Variants in TLN2 observed in about 807,000 individuals in gnomAD.
TLN2 encodes the protein talin-2.
In TLN2, 118 loss-of-function variants were observed where a neutral mutation model predicts 294.7. That is an observed-to-expected ratio of 0.40 (90% CI 0.34 to 0.47). The LOEUF is 0.47. TLN2 is among the 20% of genes least tolerant of loss of function. The pLI, the probability that TLN2 is intolerant of heterozygous loss-of-function variation, is 0.84. For missense variants in TLN2, 3,083 were observed against 3,282.2 expected, an observed-to-expected ratio of 0.94 and a Z score of 1.48; for synonymous variants, 1,431 against 1,304.5, an observed-to-expected ratio of 1.10 and a Z score of -2.09.
At chr15:62,628,455 A>G (rs2140879624) in intron 3 of TLN2, among the ~76,000 whole-genome samples, 1 of 152,384 alleles carries the variant, frequency 6.6e-6, no homozygotes, top group South Asian at 2.1e-4. Flanking sequence ...GGACTTCCAT[A>G]ACGTTTTGTT....
intron 1 of TLN2, among the ~76,000 whole-genome samples, chr15:62,407,972 C>T (rs2140248104): frequency 6.6e-6 from 1 of 151,528 alleles, no homozygotes; most frequent in South Asian, 2.1e-4. Flanking sequence ...AAAAGGTGCC[C>T]ACTTGAGTCG....
chr15:62,701,352 A>G, intron 17 of TLN2, 138 bp downstream of exon 17: 1 of 728,234 alleles, frequency 1.4e-6, no homozygotes, highest in Non-Finnish European at 2.2e-6. Context: ...AGGCACTTTT[A>G]GTGCTGTAGG....
intron 1 of TLN2, among the ~76,000 whole-genome samples, chr15:62,408,889 A>G (rs1000291643): frequency 6.6e-6 from 1 of 151,872 alleles, no homozygotes; most frequent in Non-Finnish European, 1.5e-5. Flanking sequence ...TGAACTCCTG[A>G]GCTCAAACAA....
At chr15:62,482,622 A>G (rs1035108109) in intron 1 of TLN2, among the ~76,000 whole-genome samples, 2 of 151,568 alleles carry the variant, frequency 1.3e-5, no homozygotes, top group Non-Finnish European at 2.9e-5. Context: ...AAAAAAAAAA[A>G]AAAGATAGAA....
At chr15:62,691,971 C>T (rs1022237887) in intron 12 of TLN2, among the ~76,000 whole-genome samples, 2 of 152,176 alleles carry the variant, frequency 1.3e-5, no homozygotes, top group Non-Finnish European at 2.9e-5. Context: ...CTGTGCCCAG[C>T]CCATTGGGAG....
At chr15:62,812,882 A>G (rs965960920) in intron 52 of TLN2, among the ~76,000 whole-genome samples, 1 of 152,240 alleles carries the variant, frequency 6.6e-6, no homozygotes, top group Non-Finnish European at 1.5e-5. Context: ...TAGAAGGTCT[A>G]GGAACTTTCC....
At chr15:62,558,007 A>G (rs756397494) in intron 1 of TLN2, among the ~76,000 whole-genome samples, 5 of 152,186 alleles carry the variant, frequency 3.3e-5, no homozygotes, top group Non-Finnish European at 5.9e-5. Flanking sequence ...CTCATTGCCT[A>G]TTTCAGCCAA....
At chr15:62,655,822 ATAAC>A (rs1345033901) in intron 7 of TLN2, 118 bp from the exon 8 acceptor site, 2 of 1,092,404 alleles carry the variant, frequency 1.8e-6, no homozygotes, top group East Asian at 2.6e-5. Flanking sequence ...AGAAATAACT[ATAAC>A]TACTATAACT....
Position 62,711,920 on chromosome 15 carries a change from T to C in TLN2, c.2477T>C (p.Val826Ala). 1.2e-6 allele frequency: 2 copies of C among 1,607,446 alleles called. No individual in the cohort carries two copies. The highest frequency in any genetic ancestry group is 1.7e-6 in the Non-Finnish European group (2 of 1,174,636). ...CTATTCTGTCTTCTAGGTGAAATGGTGCGCCAGGCGCGGGTTCTGGCCCAA... is the reference window on the plus strand; with the variant it reads ...CTATTCTGTCTTCTAGGTGAAATGGCGCGCCAGGCGCGGGTTCTGGCCCAA... ...FSSMGDAGEM[V>A]RQARVLAQAT... The change falls in exon 22 of 59, where the codon GTG becomes GCG. Residue 826 changes from valine to alanine, a missense_variant. Physicochemically the swap from Val to Ala is moderately conservative, Grantham distance 64 (BLOSUM62 0). Coordinates refer to ENST00000636159, the MANE Select transcript of TLN2 (RefSeq NM_015059.3).
intron 12 of TLN2, among the ~76,000 whole-genome samples, chr15:62,688,882 C>CAT (rs1217074424): frequency 6.6e-6 from 1 of 152,024 alleles, no homozygotes; most frequent in Non-Finnish European, 1.5e-5. Context: ...TTTCAACTTG[C>CAT]ATATACTGTT....
intron 1 of TLN2, among the ~76,000 whole-genome samples, chr15:62,438,821 G>A (rs1355691862): frequency 1.3e-5 from 2 of 152,172 alleles, no homozygotes; most frequent in Non-Finnish European, 2.9e-5. Context: ...ACCTAGGGAG[G>A]GAAGGGTCCC....
intron 3 of TLN2, among the ~76,000 whole-genome samples, chr15:62,643,126 G>A (rs1365940798): frequency 6.6e-6 from 1 of 152,152 alleles, no homozygotes; most frequent in African/African-American, 2.4e-5. Flanking sequence ...TGGTTCTTGT[G>A]GGGTGGTGAA....
intron 1 of TLN2, among the ~76,000 whole-genome samples, chr15:62,563,925 G>A (rs956442205): frequency 6.6e-6 from 1 of 152,132 alleles, no homozygotes; most frequent in Non-Finnish European, 1.5e-5. Context: ...GAAGGGGGTG[G>A]GGTTCTCAGG....
At chr15:62,497,676 C>G (rs921711836) in intron 1 of TLN2, among the ~76,000 whole-genome samples, 2 of 152,194 alleles carry the variant, frequency 1.3e-5, no homozygotes, top group African/African-American at 2.4e-5. Flanking sequence ...ATGATTTTTT[C>G]TCCCTGAGGA....
chr15:62,705,402 T>C (rs1274344306), intron 19 of TLN2, among the ~76,000 whole-genome samples: 1 of 152,248 alleles, frequency 6.6e-6, no homozygotes, highest in Non-Finnish European at 1.5e-5. Context: ...AAAGATTTAT[T>C]TTACACTGGC....
chr15:62,541,778 G>A (rs2041704748), intron 1 of TLN2, among the ~76,000 whole-genome samples: 1 of 151,988 alleles, frequency 6.6e-6, no homozygotes, highest in African/African-American at 2.4e-5. Context: ...CAACAGTAAA[G>A]TATGTGAATC....
intron 1 of TLN2, among the ~76,000 whole-genome samples, chr15:62,543,658 G>A (rs1230354487): frequency 6.6e-6 from 1 of 151,868 alleles, no homozygotes; most frequent in East Asian, 1.9e-4. Flanking sequence ...GGGAGGCTGA[G>A]GCAGAAGAGT....
At chr15:62,657,679 C>T (rs2053379928) in intron 8 of TLN2, 92 bp from the exon 9 acceptor site, 2 of 1,516,386 alleles carry the variant, frequency 1.3e-6, no homozygotes, top group Admixed American at 4.3e-5. Flanking sequence ...CCCTGCTCCA[C>T]AGAGGGTGTA....
At chr15:62,574,291 G>T (rs1186838134) in intron 1 of TLN2, among the ~76,000 whole-genome samples, 2 of 151,766 alleles carry the variant, frequency 1.3e-5, no homozygotes, top group African/African-American at 4.8e-5. Context: ...TAAAAAACAT[G>T]ATTAGCCAGG....
Sources: allele counts gnomAD v4.1 joint callset (sites outside exome capture counted in the v4.1 genomes callset), GRCh38; gene constraint gnomAD v4.1.1; transcripts MANE v1.5; gene names NCBI Gene and HGNC (gene_info 2026-07-23, HGNC 2026-07-21).